Variants in DCAF4 observed in about 807,000 individuals in gnomAD.
The protein encoded by DCAF4 is DDB1- and CUL4-associated factor 4.
A neutral mutation model predicts 60.9 loss-of-function variants in DCAF4; 37 were observed. The observed-to-expected ratio is 0.61, with a 90% CI of 0.47 to 0.80. DCAF4 has a LOEUF of 0.80. Among genes scored for constraint, DCAF4 ranks in the 30% least tolerant of loss-of-function variants. DCAF4 has a pLI of 0.00. For synonymous variants in DCAF4, 243 were observed against 254.8 expected (o/e 0.95, Z 0.44); for missense variants, 577 against 650.0 (o/e 0.89, Z 1.22).
chr14:72,938,221 G>A (rs1889560643), intron 2 of DCAF4, 151 bp downstream of exon 2: 2 of 1,152,830 alleles, frequency 1.7e-6, no homozygotes, highest in Non-Finnish European at 2.3e-6. Context: ...CTTGAGGAGA[G>A]CCTGCCTTCC....
chr14:72,956,580 G>T lies in DCAF4; in HGVS notation c.1294+80G>T, dbSNP rs1256597104. The T allele has an allele frequency of 2.2e-6, 3 of 1,395,062 alleles. No homozygotes were observed. The East Asian group carries it at 7.5e-5, about 35-fold the overall frequency. The allele number at this position is 1,395,062 out of a possible 1,614,324, so 86.4% of individuals were successfully genotyped here. On this transcript the variant is annotated intron_variant, in intron 13 of 13. Coordinates refer to ENST00000358377, the MANE Select transcript of DCAF4 (RefSeq NM_015604.4). ...CGATCCCAGCAACTTCAGCAGCAGA[G>T]GGAAAAGTTACCCCAAAACAGAACT...
At chr14:72,946,730 G>C (rs1567314711) in intron 7 of DCAF4, among the ~76,000 whole-genome samples, 1 of 152,200 alleles carries the variant, frequency 6.6e-6, no homozygotes, top group South Asian at 2.1e-4. Flanking sequence ...TGCTGTCTAG[G>C]GAGCAACCTT....
chr14:72,929,576 T>TG (rs1888239061), intron 1 of DCAF4: 5 of 875,036 alleles, frequency 5.7e-6, no homozygotes, highest in Non-Finnish European at 7.5e-6. Context: ...TCCGTCAAGC[T>TG]GTTCTTTATT....
chr14:72,943,949 G>A (rs1890387290), intron 6 of DCAF4, among the ~76,000 whole-genome samples: 1 of 152,190 alleles, frequency 6.6e-6, no homozygotes, highest in African/African-American at 2.4e-5. Flanking sequence ...GGGGTGTTGG[G>A]GACCGGGCCC....
intron 9 of DCAF4, among the ~76,000 whole-genome samples, chr14:72,952,657 C>T (rs188180826): frequency 6.7e-6 from 1 of 148,526 alleles, no homozygotes; most frequent in Non-Finnish European, 1.5e-5. Context: ...AGGGAGGCCT[C>T]TGGGGTACTG....
Position 72,954,202 on chromosome 14 carries a change from C to G in DCAF4, c.847C>G (p.Pro283Ala). 6.2e-7 allele frequency: 1 copy of G among 1,614,176 alleles called. No individual in the cohort carries two copies. Among genetic ancestry groups the G allele is most frequent in the South Asian group, 1.1e-5 (1 of 91,082 alleles). Residue 283 changes from proline (P) to alanine (A), a missense_variant, in exon 10 of 14, where the codon CCT becomes GCT. Coordinates refer to ENST00000358377, the MANE Select transcript of DCAF4 (RefSeq NM_015604.4). ...TGGCATGCTCTGCAGTTTCCGGATCCCTGGTGCCTGGTCCTGTGCCTGGTC... is the reference window on the plus strand; with the variant it reads ...TGGCATGCTCTGCAGTTTCCGGATCGCTGGTGCCTGGTCCTGTGCCTGGTC... ...RPGMLCSFRI[P>A]GAWSCAWSLN...
At chr14:72,937,453 C>G (rs1253931795) in intron 1 of DCAF4, among the ~76,000 whole-genome samples, 1 of 139,160 alleles carries the variant, frequency 7.2e-6, no homozygotes, top group Non-Finnish European at 1.5e-5. Flanking sequence ...TGCTCTGTCG[C>G]CCAGGCTAGA....
chr14:72,960,672 C>A, downstream of DCAF4: 1 of 1,065,288 alleles, frequency 9.4e-7, no homozygotes, highest in Non-Finnish European at 1.2e-6. Context: ...GACAGAGATA[C>A]CTCAACAGGA....
At chr14:72,933,973 C>T (rs17122570) in intron 1 of DCAF4, among the ~76,000 whole-genome samples, 2,164 of 152,268 alleles carry the variant, frequency 0.014, 50 homozygotes, top group South Asian at 0.041. Context: ...CACCCCATGC[C>T]GCTGCCTTTC....
At chr14:72,939,737 G>T in intron 2 of DCAF4, 65 bp from the exon 3 acceptor site, 1 of 1,426,922 alleles carries the variant, frequency 7.0e-7, no homozygotes, top group South Asian at 1.3e-5. Context: ...TGGACTCCCT[G>T]CCCCCGTCAG....
chr14:72,948,831 G>C (rs1891065822), intron 8 of DCAF4, among the ~76,000 whole-genome samples: 1 of 152,182 alleles, frequency 6.6e-6, no homozygotes, highest in African/African-American at 2.4e-5. Context: ...TTTCCTGCAA[G>C]AGTGGTGGGA....
chr14:72,959,418 T>TG lies in DCAF4; in HGVS notation c.*614dup, dbSNP rs1892692122. On this transcript the variant is annotated 3_prime_UTR_variant, in exon 14 of 14. Transcript: ENST00000358377. Reference sequence around the variant, plus strand: ...GGAAGGAAAGATGGATCTTCTTACATGCTAGAAGTTTTAAACGGTCCTTAA... The same window carrying TG: ...GGAAGGAAAGATGGATCTTCTTACATGGCTAGAAGTTTTAAACGGTCCTTAA... The TG allele has an allele frequency of 5.1e-6, 5 of 985,398 alleles. No individual in the cohort carries two copies. The highest frequency in any genetic ancestry group is 1.2e-4 in the Admixed American group (2 of 16,266). 61.0% of individuals were successfully genotyped at this position (985,398 alleles called of 1,614,324 possible).
chr14:72,942,036 C>T (rs1215766958), intron 5 of DCAF4: 1 of 513,690 alleles, frequency 1.9e-6, no homozygotes, highest in Non-Finnish European at 3.4e-6. Context: ...GGGACTCTTG[C>T]AGGAGGATAG....
chr14:72,954,613 A>T, intron 11 of DCAF4, 130 bp downstream of exon 11: 1 of 873,516 alleles, frequency 1.1e-6, no homozygotes, highest in Non-Finnish European at 1.8e-6. Context: ...AGAAAGGATC[A>T]GTGGGTTCCT....
At chr14:72,928,962 T>A (rs376438613) in intron 1 of DCAF4, among the ~76,000 whole-genome samples, 3 of 124,878 alleles carry the variant, frequency 2.4e-5, no homozygotes, top group Admixed American at 7.5e-5. Flanking sequence ...CCCTGTGCTG[T>A]CAAGCCTACC....
chr14:72,954,369 A>G lies in DCAF4; in HGVS notation c.908-17A>G. On this transcript the variant is annotated splice_polypyrimidine_tract_variant and intron_variant, in intron 10 of 13. Coordinates refer to ENST00000358377, the MANE Select transcript of DCAF4 (RefSeq NM_015604.4). ...ACATGTGACATAATCTTACCAGCCCATCTCTGTCTCCGCCAGGCTTGTCTC... is the reference window on the plus strand; with the variant it reads ...ACATGTGACATAATCTTACCAGCCCGTCTCTGTCTCCGCCAGGCTTGTCTC... 2 of 1,613,830 alleles carry G rather than the reference A, an allele frequency of 1.2e-6. No individual in the cohort carries two copies. The highest frequency in any genetic ancestry group is 8.5e-7 in the Non-Finnish European group (1 of 1,179,834).
downstream of DCAF4, chr14:72,961,905 G>A: frequency 8.8e-7 from 1 of 1,140,792 alleles, no homozygotes; most frequent in Non-Finnish European, 1.1e-6. Context: ...TGGTCAGTGG[G>A]TTCAGTGGAA....
chr14:72,937,514 G>A (rs1447298800), intron 1 of DCAF4, among the ~76,000 whole-genome samples: 2 of 142,742 alleles, frequency 1.4e-5, no homozygotes, highest in African/African-American at 2.6e-5. Context: ...TCCACCTCCC[G>A]GGTTCAAGCG....
rs140131795 is a variant in DCAF4 at position 72,940,791 on chromosome 14, A to C, written c.351+414A>C. On this transcript the variant is annotated intron_variant, in intron 4 of 13. Coordinates refer to ENST00000358377, the MANE Select transcript of DCAF4 (RefSeq NM_015604.4). ...TTTTTAGTAGAGACAGGGTTTCACC[A>C]TGTTGGCCAGGTTGGTCTTGAACTC... is the stretch of plus-strand genomic sequence containing the variant. Among the ~76,000 whole-genome samples, 815 of 150,926 alleles carry C rather than the reference A, an allele frequency of 5.4e-3. 9 individuals carry two copies. The highest frequency in any genetic ancestry group is 0.019 in the African/African-American group (763 of 41,078).
Sources: allele counts gnomAD v4.1 joint callset (sites outside exome capture counted in the v4.1 genomes callset), GRCh38; gene constraint gnomAD v4.1.1; transcripts MANE v1.5; gene names NCBI Gene and HGNC (gene_info 2026-07-23, HGNC 2026-07-21).